RSRC2: variants seen among roughly 807,000 people sequenced by gnomAD.
RSRC2 encodes arginine/serine-rich coiled-coil protein 2.
Under a neutral mutation model 61.3 loss-of-function variants are expected in RSRC2, and 5 were observed. That is an observed-to-expected ratio of 0.08 (90% confidence interval 0.04 to 0.17). The LOEUF (loss-of-function observed/expected upper bound fraction) is 0.17. Ranked by LOEUF, RSRC2 falls within the 10% of genes least tolerant of loss-of-function variation. The pLI, the probability that RSRC2 is intolerant of heterozygous loss-of-function variation, is 1.00. For synonymous variants in RSRC2, 202 were observed against 166.5 expected (o/e 1.21, Z -1.64); for missense variants, 381 against 518.8 (o/e 0.73, Z 2.58).
intron 7 of RSRC2, among the ~76,000 whole-genome samples, chr12:122,508,943 C>T (rs1016959585): frequency 6.6e-6 from 1 of 150,926 alleles, no homozygotes. Context: ...GCAACAAGAG[C>T]GAAACTCCGT....
chr12:122,511,818 T>C lies in RSRC2; in HGVS notation c.726-630A>G, dbSNP rs546084101. Reference sequence around the variant, plus strand: ...AAATTCATCCCAAAACAAAAATGAATTTTTTTTTGAGACAGTCTCACTCTG... The same window carrying C: ...AAATTCATCCCAAAACAAAAATGAACTTTTTTTTGAGACAGTCTCACTCTG... On this transcript the variant is annotated intron_variant, in intron 6 of 9. Coordinates refer to ENST00000331738, the MANE Select transcript of RSRC2 (RefSeq NM_023012.6). 1.2e-3 allele frequency among the ~76,000 whole-genome samples: 54 copies of C among 45,476 alleles called. No individual in the cohort carries two copies. The South Asian group carries it at 0.046, about 38-fold the overall frequency. 29.8% of individuals were successfully genotyped at this position (45,476 alleles called of 152,430 possible). A position where few individuals can be genotyped will look rare whatever the true frequency, so the allele number is the denominator to read the frequency against.
At chr12:122,523,175 A>G (rs1159658154) in intron 1 of RSRC2, 2 of 152,246 alleles carry the variant, frequency 1.3e-5, no homozygotes, top group Admixed American at 1.3e-4. Flanking sequence ...CATATTTAAT[A>G]AATAACTTCA....
Position 122,517,248 on chromosome 12 carries a change from C to T in RSRC2, c.581G>A (p.Ser194Asn). 6.2e-7 allele frequency: 1 copy of T among 1,614,186 alleles called. No homozygotes were observed. The highest frequency in any genetic ancestry group is 8.5e-7 in the Non-Finnish European group (1 of 1,180,022). ...CTACCGACTCCTACTCCTTGTCCTA[C>T]TCCTGCTTCTAGTCCTATGCCTGTG... Reference protein sequence around the residue: ...SRHRHRTRSRSRTRSRSRDRK... With the variant: ...SRHRHRTRSRNRTRSRSRDRK... The change falls in exon 5 of 10, where the codon AGT (serine) becomes AAT (asparagine). Residue 194 changes from serine to asparagine, a missense_variant. Physicochemically the swap from Ser to Asn is conservative, Grantham distance 46 (BLOSUM62 1). Around this residue, in one of 4 missense-constraint regions of RSRC2, gnomAD observed 266 missense variants for 270.5 expected, o/e 0.98. Transcript: ENST00000331738.
Position 122,506,795 on chromosome 12 carries a change from T to C in RSRC2, c.1125+39A>G, listed in dbSNP as rs531682045. 1.5e-4 allele frequency: 184 copies of C among 1,187,750 alleles called. 3 individuals are homozygous for C. In the South Asian group the frequency reaches 2.0e-3, roughly 13 times the overall value. 73.6% of individuals were successfully genotyped at this position (1,187,750 alleles called of 1,614,324 possible). Reference sequence around the variant, plus strand: ...GGGAAGAACAGTGCAGGAGGGCTAATAGCTAATACAAAGATCCCCTGGCAC... The same window carrying C: ...GGGAAGAACAGTGCAGGAGGGCTAACAGCTAATACAAAGATCCCCTGGCAC... On this transcript the variant is annotated intron_variant, in intron 9 of 9. Coordinates refer to ENST00000331738, the MANE Select transcript of RSRC2 (RefSeq NM_023012.6).
Position 122,515,155 on chromosome 12 carries a change from G to A in RSRC2, c.675C>T (p.Pro225=). ...CCATTGCTGTGTTTCTGCCTCTGAAGGGAGGTGGACTTGGAGTCCGGCTTA... is the reference window on the plus strand; with the variant it reads ...CCATTGCTGTGTTTCTGCCTCTGAAAGGAGGTGGACTTGGAGTCCGGCTTA... ...RSLSRTPSPP[P]FRGRNTAMDA... Residue 225 remains proline, a synonymous_variant, in exon 6 of 10, where the codon CCC becomes CCT. Transcript: ENST00000331738. The A allele has an allele frequency of 6.2e-7, 1 of 1,614,096 alleles. No homozygotes were observed. The highest frequency in any genetic ancestry group is 8.5e-7 in the Non-Finnish European group (1 of 1,179,964).
At position 122,506,917 on chromosome 12, in the gene RSRC2, A is replaced by G; in HGVS notation, c.1042T>C (p.Ser348Pro). 6.3e-7 allele frequency: 1 copy of G among 1,594,708 alleles called. No individual in the cohort carries two copies. The highest frequency in any genetic ancestry group is 8.6e-7 in the Non-Finnish European group (1 of 1,162,876). Residue 348 changes from serine to proline, a missense_variant, in exon 9 of 10, where the codon TCC becomes CCC. By Grantham distance (74) the Ser-to-Pro change is moderately conservative. Around this residue, in one of 4 missense-constraint regions of RSRC2, gnomAD observed 78 missense variants for 183.0 expected, o/e 0.43. Coordinates refer to ENST00000331738, the MANE Select transcript of RSRC2 (RefSeq NM_023012.6). ...TTTTCCCATATTTCAGCAGATTGGG[A>G]TTTGTCCTGTTAACAAACACTGAAC... ...LWQGKKEGDK[S>P]QSAEIWEKLN...
intron 3 of RSRC2, chr12:122,520,418 A>G: frequency 1.3e-6 from 1 of 756,360 alleles, no homozygotes; most frequent in Non-Finnish European, 2.1e-6. Context: ...ACATAACATT[A>G]CTATTAATTT....
chr12:122,509,820 ATT>A (rs927440786), intron 7 of RSRC2, among the ~76,000 whole-genome samples: 5 of 152,106 alleles, frequency 3.3e-5, no homozygotes, highest in African/African-American at 1.2e-4. Context: ...CTTCGTGATA[ATT>A]TTTTGTTTTT....
At chr12:122,516,764 C>T (rs1458349858) in intron 5 of RSRC2, among the ~76,000 whole-genome samples, 1 of 152,202 alleles carries the variant, frequency 6.6e-6, no homozygotes, top group Non-Finnish European at 1.5e-5. Context: ...ATGATCTTGG[C>T]TCACTGCAAC....
chr12:122,511,150 T>A lies in RSRC2; in HGVS notation c.764A>T (p.Lys255Met). Residue 255 changes from lysine (K) to methionine (M), a missense_variant, in exon 7 of 10, where the codon AAG becomes ATG. Lys to Met is a moderately conservative substitution (Grantham distance 95, BLOSUM62 -1). Transcript: ENST00000331738. ...TTGTTTTTGTTTTTCAACCATTTCC[T>A]TTTCTCGCTGTTCTTGTAATTTCTT... Reference protein sequence around the residue: ...RAKKLQEQREKEMVEKQKQQE... With the variant: ...RAKKLQEQREMEMVEKQKQQE... 1 of 1,608,268 alleles carries A rather than the reference T, an allele frequency of 6.2e-7. No homozygotes were observed. The highest frequency in any genetic ancestry group is 8.5e-7 in the Non-Finnish European group (1 of 1,179,388).
intron 5 of RSRC2, among the ~76,000 whole-genome samples, chr12:122,515,966 G>C (rs947613850): frequency 1.3e-5 from 2 of 152,140 alleles, no homozygotes; most frequent in Admixed American, 1.3e-4. Flanking sequence ...TCCAGCCTGG[G>C]CGACAGAGTG....
At chr12:122,523,639 A>G (rs142520750) in intron 1 of RSRC2, 1 of 152,388 alleles carries the variant, frequency 6.6e-6, no homozygotes, top group African/African-American at 2.4e-5. Context: ...AGTCTTCAGC[A>G]GGAGGAATCA....
intron 3 of RSRC2, 170 bp downstream of exon 3, chr12:122,521,215 A>G (rs1334596387): frequency 6.1e-6 from 3 of 493,946 alleles, no homozygotes; most frequent in Non-Finnish European, 1.1e-5. Flanking sequence ...TCACATAAAC[A>G]TCTTCTTCAA....
rs748114527 is a variant in RSRC2 at position 122,517,361 on chromosome 12, T to C, written c.468A>G (p.Arg156=). 3 of 1,614,044 alleles carry C rather than the reference T, an allele frequency of 1.9e-6. No homozygotes were observed. In the South Asian group the frequency reaches 3.3e-5, roughly 18 times the overall value. The change falls in exon 5 of 10, where the codon AGA becomes AGG. Residue 156 remains arginine, a synonymous_variant. Transcript: ENST00000331738. ...ATTTCTTCCTCTCTCTGCTTCTGGA[T>C]CTCGATTTCTTCCGCTCCCTACTCC... ...RSRSRERKKS[R]SRSRERKKSR... is the part of the protein sequence containing the mutation.
At position 122,504,933 on chromosome 12, in the gene RSRC2, C is replaced by T. The variant is rs1157338366; in HGVS notation, c.*594G>A. 6.6e-6 allele frequency: 1 copy of T among 152,556 alleles called. No homozygotes were observed. Among genetic ancestry groups the T allele is most frequent in the Non-Finnish European group, 1.5e-5 (1 of 68,052 alleles). 9.5% of individuals were successfully genotyped at this position (152,556 alleles called of 1,614,324 possible). A position where few individuals can be genotyped will look rare whatever the true frequency, so the allele number is the denominator to read the frequency against. Reference sequence around the variant, plus strand: ...TATTGACTGTAGTATAGTTAACTGGCCTTAAAAAGGGTGGTGGGGAGGGGA... The same window carrying T: ...TATTGACTGTAGTATAGTTAACTGGTCTTAAAAAGGGTGGTGGGGAGGGGA... On this transcript the variant is annotated 3_prime_UTR_variant, in exon 10 of 10. Transcript: ENST00000331738.
intron 4 of RSRC2, among the ~76,000 whole-genome samples, chr12:122,518,127 T>C (rs1045361731): frequency 6.6e-6 from 1 of 151,834 alleles, no homozygotes; most frequent in African/African-American, 2.4e-5. Context: ...CCAAAACCCG[T>C]CTCTACAAAA....
At chr12:122,517,751 A>G (rs1029595793) in intron 4 of RSRC2, among the ~76,000 whole-genome samples, 1 of 152,086 alleles carries the variant, frequency 6.6e-6, no homozygotes, top group Non-Finnish European at 1.5e-5. Flanking sequence ...TCTACTAAAA[A>G]TTTTTGAGTC....
chr12:122,508,477 T>A, intron 7 of RSRC2, 30 bp from the exon 8 acceptor site: 1 of 1,525,824 alleles, frequency 6.6e-7, no homozygotes, highest in Non-Finnish European at 9.0e-7. Flanking sequence ...AAATGGATTT[T>A]AAAACGATTT....
chr12:122,505,286 T>C lies in RSRC2; in HGVS notation c.*241A>G. On this transcript the variant is annotated 3_prime_UTR_variant, in exon 10 of 10. Transcript: ENST00000331738. Reference sequence around the variant, plus strand: ...GCTTTTATATATTTGAAAAGTAGAATTCATGAACTAAAAAATATTATCCTT... The same window carrying C: ...GCTTTTATATATTTGAAAAGTAGAACTCATGAACTAAAAAATATTATCCTT... The C allele has an allele frequency of 2.8e-6, 1 of 363,598 alleles. No individual in the cohort carries two copies. Among genetic ancestry groups the C allele is most frequent in the East Asian group, 4.2e-5 (1 of 23,722 alleles). The allele number at this position is 363,598 out of a possible 1,614,324, so 22.5% of individuals were successfully genotyped here.
Sources: gnomAD v4.1 joint callset for allele counts (sites outside exome capture counted in the v4.1 genomes callset) on GRCh38, gnomAD v4.1.1 for gene constraint, gnomAD v4.1.1 regional missense constraint, MANE v1.5 for transcripts, NCBI Gene and HGNC (gene_info 2026-07-23, HGNC 2026-07-21) for gene names.